TASP1: variants seen among roughly 807,000 people sequenced by gnomAD.
The protein encoded by TASP1 is taspase 1.
In TASP1, 16 loss-of-function variants were observed where a neutral mutation model predicts 56.6. The observed-to-expected ratio is 0.28, with a 90% CI of 0.19 to 0.43. The LOEUF (loss-of-function observed/expected upper bound fraction) is 0.43. TASP1 is among the 20% of genes least tolerant of loss of function. TASP1 has a pLI of 1.00. For missense variants in TASP1, 393 were observed against 511.6 expected, an observed-to-expected ratio of 0.77 and a Z score of 2.24; for synonymous variants, 179 against 184.2, an observed-to-expected ratio of 0.97 and a Z score of 0.23.
downstream of TASP1, among the ~76,000 whole-genome samples, chr20:13,385,434 G>A (rs1038070732): frequency 2.0e-5 from 3 of 152,210 alleles, no homozygotes; most frequent in Non-Finnish European, 2.9e-5. Flanking sequence ...CTTATCACTC[G>A]GAGAATGTCC....
At chr20:13,131,640 T>G in the TASP1 span, among the ~76,000 whole-genome samples, 1 of 152,156 alleles carries the variant, frequency 6.6e-6, no homozygotes, top group African/African-American at 2.4e-5. Flanking sequence ...TGACATATAT[T>G]CAGAATCAGG....
downstream of TASP1, among the ~76,000 whole-genome samples, chr20:13,387,475 C>T (rs1432744733): frequency 2.6e-5 from 4 of 152,102 alleles, no homozygotes; most frequent in Non-Finnish European, 5.9e-5. Flanking sequence ...AGGTGTGAGC[C>T]AATGTGCCTG....
the TASP1 span, among the ~76,000 whole-genome samples, chr20:13,298,170 A>G: frequency 6.6e-6 from 1 of 152,098 alleles, no homozygotes; most frequent in Non-Finnish European, 1.5e-5. Flanking sequence ...CAGTGGTGCA[A>G]TCTCAGCTCA....
chr20:13,197,288 G>A, the TASP1 span, among the ~76,000 whole-genome samples: 2 of 152,176 alleles, frequency 1.3e-5, no homozygotes, highest in African/African-American at 4.8e-5. Flanking sequence ...CTCACGAGAG[G>A]ATTTGCTGGT....
chr20:13,160,891 G>C, the TASP1 span, among the ~76,000 whole-genome samples: 1 of 152,326 alleles, frequency 6.6e-6, no homozygotes, highest in Admixed American at 6.5e-5. Context: ...AGATTCACAG[G>C]GGAGGTGGCT....
the TASP1 span, among the ~76,000 whole-genome samples, chr20:13,324,127 T>C: frequency 6.6e-6 from 1 of 152,206 alleles, no homozygotes. Flanking sequence ...GTACTATCCC[T>C]GGGACCTAGC....
chr20:13,503,512 C>T (rs944566248), intron 10 of TASP1, among the ~76,000 whole-genome samples: 1 of 152,044 alleles, frequency 6.6e-6, no homozygotes, highest in East Asian at 1.9e-4. Flanking sequence ...GACTGGAGGA[C>T]ATAATTGCTT....
At chr20:13,265,852 TG>T in the TASP1 span, among the ~76,000 whole-genome samples, 602 of 152,224 alleles carry the variant, frequency 4.0e-3, 6 homozygotes, top group African/African-American at 0.013. Flanking sequence ...AAAAGACATA[TG>T]GAGGTCACCA....
At chr20:13,157,664 GA>G in the TASP1 span, among the ~76,000 whole-genome samples, 3,671 of 141,608 alleles carry the variant, frequency 0.026, 100 homozygotes, top group African/African-American at 0.075. Flanking sequence ...ACTACAAACA[GA>G]AAAAAAAAAA....
intron 13 of TASP1, among the ~76,000 whole-genome samples, chr20:13,408,205 GT>G (rs2041988239): frequency 6.6e-6 from 1 of 151,980 alleles, no homozygotes; most frequent in Non-Finnish European, 1.5e-5. Context: ...TAATATTTTG[GT>G]TCCTGATAAA....
chr20:13,321,766 T>C, the TASP1 span, among the ~76,000 whole-genome samples: 1 of 152,236 alleles, frequency 6.6e-6, no homozygotes, highest in Non-Finnish European at 1.5e-5. Flanking sequence ...AAAGTAGCGT[T>C]GAATTCACAT....
the TASP1 span, chr20:13,164,485 GT>G: frequency 1.9e-6 from 1 of 535,332 alleles, no homozygotes. Context: ...TGGGTCACAT[GT>G]TTTTATTCTT....
the TASP1 span, among the ~76,000 whole-genome samples, chr20:13,379,057 G>A: frequency 0.48 from 73,080 of 151,974 alleles, 19,192 homozygotes; most frequent in Non-Finnish European, 0.58. Context: ...TTTAATTGGG[G>A]CATTTAGCCC....
At chr20:13,360,065 G>A in the TASP1 span, among the ~76,000 whole-genome samples, 1 of 152,024 alleles carries the variant, frequency 6.6e-6, no homozygotes, top group Non-Finnish European at 1.5e-5. Context: ...AACCAGACAA[G>A]CCTTACAACT....
At chr20:13,468,411 T>C (rs138168595) in intron 11 of TASP1, among the ~76,000 whole-genome samples, 1,694 of 152,302 alleles carry the variant, frequency 0.011, 14 homozygotes, top group Non-Finnish European at 0.019. Context: ...TTTAATACAC[T>C]TCATTCTTCT....
chr20:13,463,173 T>C (rs1488187346), intron 11 of TASP1, among the ~76,000 whole-genome samples: 2 of 152,092 alleles, frequency 1.3e-5, no homozygotes, highest in African/African-American at 2.4e-5. Context: ...GACAGACATA[T>C]AGATCGATGG....
chr20:13,122,411 G>A, the TASP1 span, among the ~76,000 whole-genome samples: 1 of 152,188 alleles, frequency 6.6e-6, no homozygotes. Flanking sequence ...AAGGAGAGTG[G>A]AATTGGGGTC....
chr20:13,623,296 A>T (rs796650984), intron 4 of TASP1, 150 bp downstream of exon 4: 18 of 505,078 alleles, frequency 3.6e-5, no homozygotes, highest in African/African-American at 3.6e-4. Context: ...TGAAAACAAC[A>T]ATATCATAGG....
At chr20:13,255,221 A>G in the TASP1 span, among the ~76,000 whole-genome samples, 1 of 152,220 alleles carries the variant, frequency 6.6e-6, no homozygotes, top group Non-Finnish European at 1.5e-5. Flanking sequence ...GAAGGATAGA[A>G]GAGAGAATGA....
Sources: gnomAD v4.1 joint callset for allele counts (sites outside exome capture counted in the v4.1 genomes callset) on GRCh38, gnomAD v4.1.1 for gene constraint, MANE v1.5 for transcripts, NCBI Gene and HGNC (gene_info 2026-07-23, HGNC 2026-07-21) for gene names.